The following ESF1 variants were observed in gnomAD, a reference collection of about 807,000 sequenced individuals.
ESF1 encodes the protein ESF1 homolog.
ESF1 carries 58 observed loss-of-function variants against 92.0 expected under a neutral mutation model. The observed-to-expected ratio is 0.63, with a 90% CI of 0.51 to 0.78. ESF1 has a LOEUF of 0.78. Ranked by LOEUF, ESF1 falls within the 30% of genes least tolerant of loss-of-function variation. The probability of loss-of-function intolerance (pLI) is 0.00; values close to 1 mark genes in which losing one functional copy is unlikely to be tolerated. For synonymous variants in ESF1, 321 were observed against 313.7 expected, an observed-to-expected ratio of 1.02 and a Z score of -0.24; for missense variants, 922 against 989.1, an observed-to-expected ratio of 0.93 and a Z score of 0.91.
Position 13,759,695 on chromosome 20 carries a change from G to A in ESF1, c.1825C>T (p.Pro609Ser). The change falls in exon 9 of 14, where the codon CCA (proline) becomes TCA (serine). Residue 609 changes from proline to serine, a missense_variant. By Grantham distance (74) the Pro-to-Ser change is moderately conservative (BLOSUM62 -1). Transcript: ENST00000617257. ...NDMEMEIKWV[P>S]GLKESAEEMV... ...ACATTTAGTATCTAATTCTTACCTG[G>A]AACCCATTTAATTTCCATTTCCATA... 6.3e-7 allele frequency: 1 copy of A among 1,575,370 alleles called. No homozygotes were observed. The highest frequency in any genetic ancestry group is 8.5e-7 in the Non-Finnish European group (1 of 1,170,394).
rs1420767624 is a variant in ESF1 at position 13,783,107 on chromosome 20, G to A, written c.34C>T (p.Arg12Trp). ...GGGTCCTTTGCAACCCGTCTAAACC[G>A]CTGGTCACTCATTATTTCTTGTTTG... ...SSKQEIMSDQRFRRVAKDPRF... is the reference protein window; with the variant it reads ...SSKQEIMSDQWFRRVAKDPRF... Residue 12 changes from arginine to tryptophan, a missense_variant, in exon 2 of 14, where the codon CGG becomes TGG. Transcript: ENST00000617257. The A allele has an allele frequency of 5.0e-6, 8 of 1,605,082 alleles. No homozygotes were observed. The highest frequency in any genetic ancestry group is 2.2e-5 in the East Asian group (1 of 44,646).
chr20:13,747,676 A>AC lies in ESF1; in HGVS notation c.1828+12015dup, dbSNP rs146246597. Among the ~76,000 whole-genome samples the AC allele has an allele frequency of 1.3e-4, 20 of 151,612 alleles. No individual in the cohort carries two copies. The East Asian group carries it at 3.9e-3, about 30-fold the overall frequency. ...ATTAACATTTAGGACTTCAATAGTCACATGTCAGCTAATGATGGAACACTT... is the reference window on the plus strand; with the variant it reads ...ATTAACATTTAGGACTTCAATAGTCACCATGTCAGCTAATGATGGAACACTT... On this transcript the variant is annotated intron_variant, in intron 9 of 13. Transcript: ENST00000617257.
intron 8 of ESF1, among the ~76,000 whole-genome samples, chr20:13,760,789 C>T (rs929599609): frequency 6.6e-6 from 1 of 151,396 alleles, no homozygotes; most frequent in Non-Finnish European, 1.5e-5. Context: ...CCAGCCACCC[C>T]GTCTGGGAGG....
At chr20:13,748,592 ATTTTTT>A (rs58809594) in intron 9 of ESF1, among the ~76,000 whole-genome samples, 1 of 95,738 alleles carries the variant, frequency 1.0e-5, no homozygotes, top group Admixed American at 9.9e-5. Flanking sequence ...ATATATATAT[ATTTTTT>A]TTTTTTTGAG....
chr20:13,777,448 C>T (rs8117854), intron 2 of ESF1, among the ~76,000 whole-genome samples: 1,829 of 152,268 alleles, frequency 0.012, 43 homozygotes, highest in African/African-American at 0.042. Context: ...CGAAGTGCCA[C>T]TCAGTCATCT....
At chr20:13,763,479 T>C (rs2147766012) in intron 8 of ESF1, among the ~76,000 whole-genome samples, 1 of 152,376 alleles carries the variant, frequency 6.6e-6, no homozygotes, top group South Asian at 2.1e-4. Context: ...GTATCCAATC[T>C]TCACAAGTGT....
intron 1 of ESF1, 82 bp from the exon 2 acceptor site, chr20:13,783,265 C>G (rs1286350557): frequency 2.0e-6 from 2 of 976,816 alleles, no homozygotes; most frequent in East Asian, 5.3e-5. Context: ...ACAATATATT[C>G]TAAGTTAATA....
chr20:13,752,695 G>A (rs1448055586), intron 9 of ESF1, among the ~76,000 whole-genome samples: 1 of 152,202 alleles, frequency 6.6e-6, no homozygotes, highest in Non-Finnish European at 1.5e-5. Context: ...GGCCACATAT[G>A]CATGTCACTG....
chr20:13,774,063 C>A (rs1255870667), intron 4 of ESF1, among the ~76,000 whole-genome samples: 9 of 151,802 alleles, frequency 5.9e-5, no homozygotes, highest in African/African-American at 1.9e-4. Context: ...CCACTGCACT[C>A]CAGCCTGGGC....
chr20:13,766,463 T>C (rs894441816), intron 8 of ESF1, among the ~76,000 whole-genome samples: 2 of 152,208 alleles, frequency 1.3e-5, no homozygotes, highest in African/African-American at 4.8e-5. Context: ...TAAATGATGC[T>C]CTTATTTTTT....
chr20:13,774,572 A>G (rs1979839247), intron 4 of ESF1, among the ~76,000 whole-genome samples: 2 of 152,234 alleles, frequency 1.3e-5, no homozygotes. Context: ...ATTTGGATAT[A>G]TTGGAAAGAT....
intron 11 of ESF1, among the ~76,000 whole-genome samples, chr20:13,722,029 GA>G (rs1252655977): frequency 2.6e-5 from 4 of 152,108 alleles, no homozygotes; most frequent in African/African-American, 9.7e-5. Flanking sequence ...AGCTCCTTTT[GA>G]AATGAATGGA....
At chr20:13,780,863 A>G (rs192477290) in intron 2 of ESF1, among the ~76,000 whole-genome samples, 88 of 152,310 alleles carry the variant, frequency 5.8e-4, no homozygotes, top group African/African-American at 2.0e-3. Context: ...GCTGTCTCTC[A>G]CCTAGTTCCA....
At chr20:13,739,186 G>GT (rs891468107) in intron 9 of ESF1, among the ~76,000 whole-genome samples, 60 of 151,138 alleles carry the variant, frequency 4.0e-4, no homozygotes, top group South Asian at 3.1e-3. Context: ...CAATGAACAC[G>GT]TTTTTTTTTG....
intron 10 of ESF1, among the ~76,000 whole-genome samples, chr20:13,728,973 T>C (rs1415811835): frequency 6.6e-6 from 1 of 152,126 alleles, no homozygotes; most frequent in African/African-American, 2.4e-5. Flanking sequence ...CAAATAATTA[T>C]AGAGGCTGGG....
At chr20:13,731,250 T>C (rs1048005196) in intron 10 of ESF1, among the ~76,000 whole-genome samples, 1 of 152,090 alleles carries the variant, frequency 6.6e-6, no homozygotes, top group African/African-American at 2.4e-5. Context: ...AGCTTAACAC[T>C]TGTGGAGTTA....
intron 12 of ESF1, among the ~76,000 whole-genome samples, chr20:13,718,639 A>G (rs1379733915): frequency 6.6e-6 from 1 of 152,184 alleles, no homozygotes; most frequent in East Asian, 1.9e-4. Context: ...TAAAAGTGAG[A>G]TAATTCCCTC....
chr20:13,766,694 T>A, intron 8 of ESF1, 83 bp downstream of exon 8: 2 of 1,375,044 alleles, frequency 1.5e-6, no homozygotes, highest in Non-Finnish European at 2.0e-6. Context: ...TGTGAGCATA[T>A]CTGCAGACAG....
At chr20:13,767,582 C>A (rs1356139107) in intron 7 of ESF1, among the ~76,000 whole-genome samples, 4 of 151,354 alleles carry the variant, frequency 2.6e-5, no homozygotes, top group Non-Finnish European at 5.9e-5. Flanking sequence ...TGTTTTTTCA[C>A]CTGGAGTTCT....
Sources: gnomAD v4.1 joint callset for allele counts (sites outside exome capture counted in the v4.1 genomes callset) on GRCh38, gnomAD v4.1.1 for gene constraint, MANE v1.5 for transcripts, NCBI Gene and HGNC (gene_info 2026-07-23, HGNC 2026-07-21) for gene names.